ZNF782: variants seen among roughly 807,000 people sequenced by gnomAD.
ZNF782 encodes zinc finger protein 782.
Under a neutral mutation model 13.0 loss-of-function variants are expected in ZNF782, and 12 were observed. The ratio of observed to expected loss-of-function variants is 0.92; its 90% confidence interval spans 0.59 to 1.50. ZNF782 has a LOEUF of 1.50. ZNF782 is among the 40% of genes most tolerant of loss of function. The pLI is 0.00. For synonymous variants in ZNF782, 284 were observed against 283.0 expected (o/e 1.00, Z -0.04); for missense variants, 770 against 822.9 (o/e 0.94, Z 0.79).
At chr9:96,883,809 C>G in the ZNF782 span, among the ~76,000 whole-genome samples, 1 of 152,284 alleles carries the variant, frequency 6.6e-6, no homozygotes, top group South Asian at 2.1e-4. Context: ...ATGGGCTGTC[C>G]AGAGACATCA....
chr9:96,866,746 CA>C (rs974985961), intron 1 of ZNF782, among the ~76,000 whole-genome samples: 1 of 152,244 alleles, frequency 6.6e-6, no homozygotes, highest in African/African-American at 2.4e-5. Context: ...CCTGCAAAGC[CA>C]CAAGGGCAGA....
chr9:96,888,831 A>C, the ZNF782 span: 3 of 152,306 alleles, frequency 2.0e-5, no homozygotes, highest in African/African-American at 7.2e-5. Flanking sequence ...ATCTGTCATG[A>C]ATTCCAGGCC....
At chr9:96,845,485 C>T (rs749589599) in intron 3 of ZNF782, among the ~76,000 whole-genome samples, 2 of 152,158 alleles carry the variant, frequency 1.3e-5, no homozygotes, top group Non-Finnish European at 2.9e-5. Flanking sequence ...TCTCGATCTC[C>T]TTACCTCATG....
chr9:96,832,786 C>T (rs1384371494), intron 4 of ZNF782, among the ~76,000 whole-genome samples: 1 of 151,954 alleles, frequency 6.6e-6, no homozygotes, highest in East Asian at 1.9e-4. Context: ...CATAATTATG[C>T]TTCTTGGCAT....
At chr9:96,887,308 A>G in the ZNF782 span, 2 of 146,362 alleles carry the variant, frequency 1.4e-5, no homozygotes, top group Non-Finnish European at 1.5e-5. Flanking sequence ...GAAGGAAGGA[A>G]GGAAGGAAGG....
At chr9:96,927,097 A>G in the ZNF782 span, among the ~76,000 whole-genome samples, 2 of 152,244 alleles carry the variant, frequency 1.3e-5, no homozygotes, top group East Asian at 3.9e-4. Context: ...CTGTGTGAAA[A>G]TGAGAATGAA....
At chr9:96,851,792 C>T (rs1425369271) in intron 3 of ZNF782, among the ~76,000 whole-genome samples, 155 bp downstream of exon 3, 1 of 152,142 alleles carries the variant, frequency 6.6e-6, no homozygotes, top group African/African-American at 2.4e-5. Flanking sequence ...ACCTACTAAC[C>T]CTGACAAAGC....
intron 4 of ZNF782, among the ~76,000 whole-genome samples, chr9:96,841,539 G>T (rs1018579950): frequency 6.6e-6 from 1 of 151,888 alleles, no homozygotes; most frequent in East Asian, 1.9e-4. Context: ...ACCAAGTAAG[G>T]TTTATTCCAA....
chr9:96,909,742 T>C, the ZNF782 span, among the ~76,000 whole-genome samples: 1 of 151,878 alleles, frequency 6.6e-6, no homozygotes, highest in Non-Finnish European at 1.5e-5. Flanking sequence ...TAACAATGTT[T>C]CATGCATAAA....
chr9:96,850,952 C>T lies in ZNF782; in HGVS notation c.15+995G>A, dbSNP rs1350920311. Among the ~76,000 whole-genome samples the T allele has an allele frequency of 6.6e-6, 1 of 152,110 alleles. No individual in the cohort carries two copies. The highest frequency in any genetic ancestry group is 1.9e-4 in the East Asian group (1 of 5,198). On this transcript the variant is annotated intron_variant, in intron 3 of 5. Coordinates refer to ENST00000481138, the MANE Select transcript of ZNF782 (RefSeq NM_001001662.3). This position sits in a 1 kb window ranked among gnomAD's most constrained non-coding sequence, Gnocchi z 4.3. The stretch of plus-strand genomic sequence containing the variant: ...CTAAGTAAAGTGCTAAGTAAGTAGG[C>T]AAGTTGCATCTTCAGTGTTAAAGTA...
upstream of ZNF782, among the ~76,000 whole-genome samples, chr9:96,859,169 G>A (rs1851676469): frequency 2.0e-5 from 3 of 152,158 alleles, no homozygotes; most frequent in Non-Finnish European, 2.9e-5. Flanking sequence ...TAAAGTACTC[G>A]GGGTCCTTAA....
At chr9:96,843,340 C>T (rs1479148140) in intron 4 of ZNF782, among the ~76,000 whole-genome samples, 1 of 152,108 alleles carries the variant, frequency 6.6e-6, no homozygotes, top group African/African-American at 2.4e-5. Flanking sequence ...TGAAATACTA[C>T]GTAGCTATAA....
the ZNF782 span, among the ~76,000 whole-genome samples, chr9:96,916,781 G>T: frequency 2.0e-4 from 30 of 149,216 alleles, no homozygotes; most frequent in African/African-American, 7.1e-4. Flanking sequence ...GGGCAAGGGA[G>T]GGTGAGGAGA....
chr9:96,825,245 A>G (rs1850576742), intron 5 of ZNF782, among the ~76,000 whole-genome samples: 1 of 150,014 alleles, frequency 6.7e-6, no homozygotes, highest in African/African-American at 2.4e-5. Flanking sequence ...CCTCAGAAAT[A>G]ACGCCGCATA....
chr9:96,863,894 T>C (rs909059198), intron 1 of ZNF782, among the ~76,000 whole-genome samples: 1 of 151,950 alleles, frequency 6.6e-6, no homozygotes, highest in Non-Finnish European at 1.5e-5. Context: ...GATAAAAGAT[T>C]ACATATTGGG....
the ZNF782 span, among the ~76,000 whole-genome samples, chr9:96,933,217 A>C: frequency 6.7e-6 from 1 of 150,246 alleles, no homozygotes; most frequent in Non-Finnish European, 1.5e-5. Context: ...TGCCCTGGTG[A>C]TTCTCCCGCC....
At chr9:96,825,180 ACAG>A (rs1360660600) in intron 5 of ZNF782, among the ~76,000 whole-genome samples, 1 of 151,970 alleles carries the variant, frequency 6.6e-6, no homozygotes, top group Non-Finnish European at 1.5e-5. Context: ...AGTAACCAAA[ACAG>A]CATGGTACTG....
At chr9:96,892,056 G>A in the ZNF782 span, 1 of 152,222 alleles carries the variant, frequency 6.6e-6, no homozygotes, top group Admixed American at 6.5e-5. Flanking sequence ...AGTATGCGGT[G>A]GTGGTTGTGG....
chr9:96,925,055 G>A, the ZNF782 span, among the ~76,000 whole-genome samples: 1 of 152,160 alleles, frequency 6.6e-6, no homozygotes, highest in Non-Finnish European at 1.5e-5. Context: ...CACCACGGAG[G>A]ACGCCATGAG....
Sources: allele counts gnomAD v4.1 joint callset (sites outside exome capture counted in the v4.1 genomes callset), GRCh38; gene constraint gnomAD v4.1.1; non-coding constraint Gnocchi (gnomAD v3.1); transcripts MANE v1.5; gene names NCBI Gene and HGNC (gene_info 2026-07-23, HGNC 2026-07-21).